Variants in RBKS observed in about 807,000 individuals in gnomAD.
RBKS encodes the protein ribokinase.
Under a neutral mutation model 33.9 loss-of-function variants are expected in RBKS, and 33 were observed. That is an observed-to-expected ratio of 0.97 (90% confidence interval 0.74 to 1.30). The LOEUF is 1.30. Among genes scored for constraint, RBKS ranks in the 50% most tolerant of loss-of-function variants. The probability of loss-of-function intolerance (pLI) is 0.00; values close to 1 mark genes in which losing one functional copy is unlikely to be tolerated. For missense variants in RBKS, 361 were observed against 392.6 expected (o/e 0.92, Z 0.68); for synonymous variants, 125 against 143.0 (o/e 0.87, Z 0.90).
chr2:27,865,161 A>C (rs1190010358), intron 1 of RBKS, among the ~76,000 whole-genome samples: 4 of 152,190 alleles, frequency 2.6e-5, no homozygotes, highest in African/African-American at 7.2e-5. Context: ...TCTACTAAAA[A>C]TACAAAAAAT....
In RBKS at chr2:27,852,402, G is replaced by T. The variant is rs34856337; in HGVS notation, c.223-4305C>A. On this transcript the variant is annotated intron_variant, in intron 2 of 7. Transcript: ENST00000302188. ...GAAAGCAAAAGGGCTGGGTGTATGAGGAACAAGAGCATTTCTTCAGCTAAG... is the reference window on the plus strand; with the variant it reads ...GAAAGCAAAAGGGCTGGGTGTATGATGAACAAGAGCATTTCTTCAGCTAAG... Among the ~76,000 whole-genome samples the T allele has an allele frequency of 1.2e-3, 179 of 152,274 alleles. 6 individuals are homozygous for T. In the East Asian group the frequency reaches 0.033, roughly 28 times the overall value.
intron 1 of RBKS, among the ~76,000 whole-genome samples, chr2:27,876,005 T>C (rs1417536043): frequency 6.6e-6 from 1 of 152,108 alleles, no homozygotes; most frequent in African/African-American, 2.4e-5. Context: ...AGATGCAGAA[T>C]AGGGACTTTA....
intron 7 of RBKS, among the ~76,000 whole-genome samples, chr2:27,816,901 G>T (rs1027909219): frequency 1.3e-5 from 2 of 152,170 alleles, no homozygotes; most frequent in African/African-American, 2.4e-5. Context: ...CCGGCCTAAG[G>T]ATATGTTTTA....
Position 27,858,496 on chromosome 2 carries a change from A to G in RBKS, c.165T>C (p.Gly55=). The G allele has an allele frequency of 6.2e-7, 1 of 1,614,104 alleles. No individual in the cohort carries two copies. Among genetic ancestry groups the G allele is most frequent in the Non-Finnish European group, 8.5e-7 (1 of 1,179,998 alleles). Residue 55 remains glycine, a synonymous_variant, in exon 2 of 8, where the codon GGT becomes GGC. Coordinates refer to ENST00000302188, the MANE Select transcript of RBKS (RefSeq NM_022128.3). ...GAGCAGCTTGGACACACTGGTTGGCACCTTTCCCTCCAAAGCCAATAAAAA... is the reference window on the plus strand; with the variant it reads ...GAGCAGCTTGGACACACTGGTTGGCGCCTTTCCCTCCAAAGCCAATAAAAA... The part of the protein sequence containing the change: ...HKFFIGFGGK[G]ANQCVQAARL...
chr2:27,850,616 C>T (rs1179938560), intron 2 of RBKS, among the ~76,000 whole-genome samples: 1 of 152,198 alleles, frequency 6.6e-6, no homozygotes, highest in Non-Finnish European at 1.5e-5. Flanking sequence ...TAGTAATATG[C>T]AACTAAAGTT....
intron 7 of RBKS, among the ~76,000 whole-genome samples, chr2:27,819,693 A>G (rs956477425): frequency 1.3e-5 from 2 of 152,248 alleles, no homozygotes; most frequent in African/African-American, 4.8e-5. Context: ...GAAGAGTTAA[A>G]TGGAAATCTA....
intron 7 of RBKS, among the ~76,000 whole-genome samples, chr2:27,784,000 T>C (rs1677344253): frequency 9.5e-6 from 1 of 105,230 alleles, no homozygotes; most frequent in Admixed American, 8.7e-5. Flanking sequence ...TTTTTTTTTT[T>C]TGAGACGGAG....
At chr2:27,844,559 A>G (rs6724419) in intron 4 of RBKS, among the ~76,000 whole-genome samples, 10,676 of 150,350 alleles carry the variant, frequency 0.071, 725 homozygotes, top group African/African-American at 0.18. Flanking sequence ...CGCCTGGCTA[A>G]TTTTTTTTTG....
intron 7 of RBKS, among the ~76,000 whole-genome samples, chr2:27,825,808 G>A (rs999552209): frequency 7.2e-5 from 11 of 152,236 alleles, no homozygotes; most frequent in African/African-American, 2.7e-4. Context: ...GCATAAGCCT[G>A]AGTTGTGCTT....
At chr2:27,791,688 CATAT>C (rs1677530198) in intron 7 of RBKS, among the ~76,000 whole-genome samples, 1 of 151,254 alleles carries the variant, frequency 6.6e-6, no homozygotes, top group South Asian at 2.1e-4. Context: ...TATACATATA[CATAT>C]ACATATACGT....
intron 7 of RBKS, among the ~76,000 whole-genome samples, chr2:27,794,612 T>C (rs1484564008): frequency 2.8e-5 from 4 of 141,104 alleles, no homozygotes; most frequent in Middle Eastern, 7.2e-3. Flanking sequence ...AGGAACACTT[T>C]CGTTTTTTTT....
intron 7 of RBKS, among the ~76,000 whole-genome samples, chr2:27,802,827 C>A (rs765940864): frequency 6.6e-6 from 1 of 152,090 alleles, no homozygotes; most frequent in Non-Finnish European, 1.5e-5. Context: ...AGATGAGAAC[C>A]CGCGTGGCAT....
intron 7 of RBKS, among the ~76,000 whole-genome samples, chr2:27,805,518 C>T (rs1677878837): frequency 6.6e-6 from 1 of 152,176 alleles, no homozygotes; most frequent in Non-Finnish European, 1.5e-5. Context: ...TCCCAGCTTT[C>T]CCGGGTCCTT....
intron 2 of RBKS, among the ~76,000 whole-genome samples, chr2:27,852,431 A>G (rs4419196): frequency 0.34 from 51,024 of 152,014 alleles, 10,119 homozygotes; most frequent in East Asian, 0.63. Flanking sequence ...AGCTAAGGGG[A>G]CTGAGGTGCT....
intron 7 of RBKS, chr2:27,809,989 A>T: frequency 7.7e-7 from 1 of 1,304,250 alleles, no homozygotes; most frequent in Non-Finnish European, 1.0e-6. Context: ...GTTATTTATA[A>T]TGTTTCTGCT....
chr2:27,822,366 C>A (rs992713707), intron 7 of RBKS, among the ~76,000 whole-genome samples: 1 of 152,230 alleles, frequency 6.6e-6, no homozygotes, highest in East Asian at 1.9e-4. Context: ...AAAGGTCACA[C>A]CAAGTTGGGA....
At chr2:27,812,024 G>A (rs1416391351) in intron 7 of RBKS, among the ~76,000 whole-genome samples, 1 of 152,180 alleles carries the variant, frequency 6.6e-6, no homozygotes, top group East Asian at 1.9e-4. Context: ...ACTACCTTTT[G>A]AGAAGTGTTT....
chr2:27,812,658 G>A (rs1337672077), intron 7 of RBKS, among the ~76,000 whole-genome samples: 1 of 152,140 alleles, frequency 6.6e-6, no homozygotes, highest in African/African-American at 2.4e-5. Flanking sequence ...ATTGAACAAT[G>A]AGAACACTTG....
intron 7 of RBKS, among the ~76,000 whole-genome samples, chr2:27,786,937 G>A (rs1290543493): frequency 6.6e-6 from 1 of 152,188 alleles, no homozygotes; most frequent in East Asian, 1.9e-4. Flanking sequence ...AGGCAGCAAC[G>A]ATTCTCACAA....
Sources: allele counts gnomAD v4.1 joint callset (sites outside exome capture counted in the v4.1 genomes callset), GRCh38; gene constraint gnomAD v4.1.1; transcripts MANE v1.5; gene names NCBI Gene and HGNC (gene_info 2026-07-23, HGNC 2026-07-21).